LPAR6: variants seen among roughly 807,000 people sequenced by gnomAD.
LPAR6 encodes G-protein coupled purinergic receptor P2Y5.
LPAR6 carries 17 observed loss-of-function variants against 22.0 expected under a neutral mutation model. That is an observed-to-expected ratio of 0.77 (90% CI 0.53 to 1.16). LPAR6 has a LOEUF of 1.16. Among genes scored for constraint, LPAR6 ranks in the 50% most tolerant of loss-of-function variants. The pLI is 0.00. For synonymous variants in LPAR6, 136 were observed against 139.8 expected (o/e 0.97, Z 0.19); for missense variants, 384 against 406.9 (o/e 0.94, Z 0.48).
At chr13:48,395,929 G>A (rs957065353) in intron 1 of LPAR6, among the ~76,000 whole-genome samples, 9 of 152,046 alleles carry the variant, frequency 5.9e-5, no homozygotes, top group South Asian at 2.1e-4. Flanking sequence ...ACATATAATC[G>A]TCAGATTCAC....
chr13:48,402,409 C>T (rs1197745505), intron 1 of LPAR6, among the ~76,000 whole-genome samples: 2 of 99,462 alleles, frequency 2.0e-5, no homozygotes, highest in East Asian at 7.3e-4. Flanking sequence ...ATGAGTCTCA[C>T]TCTGTTTTCC....
Position 48,433,533 on chromosome 13 carries a change from T to C in LPAR6, c.-1473-9414A>G, listed in dbSNP as rs147311155. Among the ~76,000 whole-genome samples the C allele has an allele frequency of 7.7e-3, 1,179 of 152,252 alleles. 25 individuals are homozygous for C. The highest frequency in any genetic ancestry group is 0.026 in the African/African-American group (1,076 of 41,564). On this transcript the variant is annotated intron_variant, in intron 1 of 6. Coordinates refer to the LPAR6 transcript ENST00000378434. ...TGTTCAGAGAATTTCTGCCACTAAA[T>C]AAGTCTTAAATAAGTATGCCACATA...
chr13:48,401,971 T>C (rs959859648), intron 1 of LPAR6, among the ~76,000 whole-genome samples: 2 of 152,176 alleles, frequency 1.3e-5, no homozygotes, highest in South Asian at 4.1e-4. Context: ...TATTTTAAGA[T>C]AATTTAATTG....
intron 1 of LPAR6, among the ~76,000 whole-genome samples, chr13:48,441,433 A>C (rs1397407672): frequency 6.6e-6 from 1 of 152,226 alleles, no homozygotes; most frequent in Non-Finnish European, 1.5e-5. Flanking sequence ...AAGTAGTAAC[A>C]TGTGCATATC....
downstream of LPAR6, among the ~76,000 whole-genome samples, chr13:48,410,433 G>A (rs1342829365): frequency 6.6e-6 from 1 of 152,120 alleles, no homozygotes; most frequent in Non-Finnish European, 1.5e-5. Flanking sequence ...AGTACACACT[G>A]TGATGTTTGC....
chr13:48,423,599 A>T (rs1171374844), intron 1 of LPAR6, among the ~76,000 whole-genome samples: 2 of 152,256 alleles, frequency 1.3e-5, no homozygotes, highest in Non-Finnish European at 2.9e-5. Context: ...AATCGATTAA[A>T]ACTTTAAAGA....
rs1398436699 is a variant in LPAR6, at chr13:48,412,122, T to C, written c.302A>G (p.Tyr101Cys). 1 of 1,613,620 alleles carries C rather than the reference T, an allele frequency of 6.2e-7. No individual in the cohort carries two copies. The highest frequency in any genetic ancestry group is 1.3e-5 in the African/African-American group (1 of 74,928). ...ACAGGTTAAGAACAGAATGCTTCCG[T>C]ACATGTTGGTATAAAACAGCATCAC... ...ISVMLFYTNM[Y>C]GSILFLTCIS... The change falls in exon 1 of 1, where the codon TAC (tyrosine) becomes TGC (cysteine). Residue 101 changes from tyrosine to cysteine, a missense_variant. Transcript: ENST00000620633.
chr13:48,426,086 C>G (rs1229200071), intron 1 of LPAR6, among the ~76,000 whole-genome samples: 2 of 152,126 alleles, frequency 1.3e-5, no homozygotes, highest in Non-Finnish European at 2.9e-5. Context: ...ATCCAGAATC[C>G]TTGATTTCTA....
chr13:48,403,536 A>C (rs1948712524), intron 1 of LPAR6, among the ~76,000 whole-genome samples: 1 of 152,188 alleles, frequency 6.6e-6, no homozygotes, highest in Admixed American at 6.5e-5. Context: ...TGGAAGTGGG[A>C]GTCTTAGAGA....
intron 1 of LPAR6, among the ~76,000 whole-genome samples, chr13:48,391,941 G>A (rs1267354576): frequency 6.6e-6 from 1 of 152,034 alleles, no homozygotes; most frequent in Non-Finnish European, 1.5e-5. Flanking sequence ...TTTCTTGTGT[G>A]CATGTCTACT....
intron 1 of LPAR6, among the ~76,000 whole-genome samples, chr13:48,393,121 G>T (rs1948623626): frequency 6.6e-6 from 1 of 152,138 alleles, no homozygotes; most frequent in Non-Finnish European, 1.5e-5. Flanking sequence ...CTGACCCTGT[G>T]TCAGCTCCTG....
At chr13:48,435,511 C>T (rs1347895849) in intron 1 of LPAR6, among the ~76,000 whole-genome samples, 1 of 151,930 alleles carries the variant, frequency 6.6e-6, no homozygotes, top group Non-Finnish European at 1.5e-5. Flanking sequence ...TTCTCTTGGC[C>T]TGTAGCTTCT....
rs1593482841 is a variant in LPAR6, at chr13:48,412,052, T to C, written c.372A>G (p.Ser124=). ...CATTTCTTTTGGTTCTTAGAGTCTTTGACTTAAATGGGTAGACAATTGCCA... is the reference window on the plus strand; with the variant it reads ...CATTTCTTTTGGTTCTTAGAGTCTTCGACTTAAATGGGTAGACAATTGCCA... ...RFLAIVYPFK[S]KTLRTKRNAK... is the part of the protein sequence containing the mutation. Residue 124 remains serine (S), a synonymous_variant, in exon 1 of 1, where the codon TCA becomes TCG. Coordinates refer to ENST00000620633, the MANE Select transcript of LPAR6 (RefSeq NM_001162498.3). 2 of 1,613,274 alleles carry C rather than the reference T, an allele frequency of 1.2e-6. No individual in the cohort carries two copies. The highest frequency in any genetic ancestry group is 1.1e-5 in the South Asian group (1 of 91,014).
chr13:48,405,444 T>C (rs1242702128), intron 1 of LPAR6, among the ~76,000 whole-genome samples: 5 of 152,208 alleles, frequency 3.3e-5, no homozygotes, highest in African/African-American at 1.2e-4. Flanking sequence ...ATAAATGAAG[T>C]TCTAGGGTGT....
chr13:48,416,963 TG>T (rs965976627), upstream of LPAR6, among the ~76,000 whole-genome samples: 3 of 152,124 alleles, frequency 2.0e-5, no homozygotes, highest in Non-Finnish European at 4.4e-5. Flanking sequence ...ACAGAGCACC[TG>T]GGGGAAGGGT....
In LPAR6 at chr13:48,411,141, C is replaced by G. The variant is rs377029953; in HGVS notation, c.*248G>C. On this transcript the variant is annotated 3_prime_UTR_variant, in exon 1 of 1. Transcript: ENST00000620633. ...TCAGTCACTTTTAGACACTAAATAA[C>G]TTTAAGAGATTTTTTTTAATGAAGG... 1.1e-5 allele frequency: 4 copies of G among 366,526 alleles called. No homozygotes were observed. The highest frequency in any genetic ancestry group is 4.1e-5 in the African/African-American group (2 of 49,132). 22.7% of individuals were successfully genotyped at this position (366,526 alleles called of 1,614,324 possible).
At chr13:48,436,398 T>A (rs1013633970) in intron 1 of LPAR6, among the ~76,000 whole-genome samples, 2 of 152,168 alleles carry the variant, frequency 1.3e-5, no homozygotes, top group Admixed American at 1.3e-4. Flanking sequence ...ATCTCAGCAC[T>A]TTGAGAGGCC....
At chr13:48,397,481 C>T (rs569936450) in intron 1 of LPAR6, among the ~76,000 whole-genome samples, 15 of 152,050 alleles carry the variant, frequency 9.9e-5, no homozygotes, top group Admixed American at 2.6e-4. Context: ...CATCACACAC[C>T]GGGGCCTGTC....
At chr13:48,436,185 G>A (rs990045427) in intron 1 of LPAR6, among the ~76,000 whole-genome samples, 4 of 152,216 alleles carry the variant, frequency 2.6e-5, no homozygotes, top group South Asian at 2.1e-4. Flanking sequence ...TAGCTGGTTG[G>A]TGATGAAGGA....
Sources: allele counts gnomAD v4.1 joint callset (sites outside exome capture counted in the v4.1 genomes callset), GRCh38; gene constraint gnomAD v4.1.1; transcripts MANE v1.5; gene names NCBI Gene and HGNC (gene_info 2026-07-23, HGNC 2026-07-21).